Variants in CLTC observed in about 807,000 individuals in gnomAD.
CLTC encodes clathrin heavy chain.
A neutral mutation model predicts 195.8 loss-of-function variants in CLTC; 16 were observed. The ratio of observed to expected loss-of-function variants is 0.08; its 90% confidence interval spans 0.06 to 0.12. The LOEUF (loss-of-function observed/expected upper bound fraction) is 0.12, where lower values mean the gene tolerates loss of function less well. CLTC is among the 10% of genes least tolerant of loss of function. The pLI is 1.00. For synonymous variants in CLTC, 667 were observed against 689.4 expected (o/e 0.97, Z 0.51); for missense variants, 796 against 2,027.0 (o/e 0.39, Z 11.66).
At chr17:59,658,698 T>C (rs1276252257) in intron 6 of CLTC, 1 of 152,208 alleles carries the variant, frequency 6.6e-6, no homozygotes, top group Non-Finnish European at 1.5e-5. Flanking sequence ...GCCTTTTCTG[T>C]TTCCTGTAGC....
At chr17:59,644,107 A>ATT (rs999991997) in intron 1 of CLTC, among the ~76,000 whole-genome samples, 169 bp from the exon 2 acceptor site, 8 of 152,254 alleles carry the variant, frequency 5.3e-5, no homozygotes, top group Admixed American at 6.5e-5. Flanking sequence ...TTTGAAGAAG[A>ATT]GAAGGTCCAA....
intron 16 of CLTC, 87 bp from the exon 17 acceptor site, chr17:59,676,867 C>A: frequency 1.0e-6 from 1 of 990,212 alleles, no homozygotes. Flanking sequence ...CATTATAGAC[C>A]ATAAGGTATT....
chr17:59,628,932 G>A (rs1171434389), intron 1 of CLTC, among the ~76,000 whole-genome samples: 11 of 152,078 alleles, frequency 7.2e-5, no homozygotes, highest in Admixed American at 7.2e-4. Context: ...AAAGTGCTGG[G>A]ATTACAGGCG....
Position 59,666,056 on chromosome 17 carries a change from C to G in CLTC, c.1645-47C>G. 7.1e-7 allele frequency: 1 copy of G among 1,412,320 alleles called. No individual in the cohort carries two copies. Among genetic ancestry groups the G allele is most frequent in the South Asian group, 1.3e-5 (1 of 77,978 alleles). The allele number at this position is 1,412,320 out of a possible 1,614,324, so 87.5% of individuals were successfully genotyped here. ...GTTCATGCATAATTTTGTCTACATACTCTCCATAGTATCTTAAAACAATTT... is the reference window on the plus strand; with the variant it reads ...GTTCATGCATAATTTTGTCTACATAGTCTCCATAGTATCTTAAAACAATTT... On this transcript the variant is annotated intron_variant, in intron 10 of 31. Transcript: ENST00000269122. The surrounding 1 kb of genome is among the most constrained non-coding windows in gnomAD (Gnocchi z 4.9).
chr17:59,657,767 C>G (rs937082987), intron 6 of CLTC, among the ~76,000 whole-genome samples: 1 of 60,552 alleles, frequency 1.7e-5, no homozygotes, highest in East Asian at 5.6e-4. Flanking sequence ...GACTCTGTCT[C>G]AAAAAAAAAA....
At chr17:59,675,933 TTAAAATTGTCTTCTCCC>T (rs2143578229) in intron 16 of CLTC, among the ~76,000 whole-genome samples, 1 of 152,248 alleles carries the variant, frequency 6.6e-6, no homozygotes, top group Admixed American at 6.5e-5. Flanking sequence ...CCTCTATTTA[TTAAAATTGTCTTCTCCC>T]TAATGGGAGG....
chr17:59,685,766 C>T lies in CLTC; in HGVS notation c.4785C>T (p.Ala1595=), dbSNP rs1567973032. The T allele has an allele frequency of 6.2e-7, 1 of 1,614,056 alleles. No homozygotes were observed. Among genetic ancestry groups the T allele is most frequent in the East Asian group, 2.2e-5 (1 of 44,874 alleles). ...TAWRHNIMDF[A]MPYFIQVMKE... is the part of the protein sequence containing the mutation. ...GGAGGCACAATATCATGGATTTTGC[C>T]ATGCCCTATTTCATCCAGGTCATGA... is the stretch of plus-strand genomic sequence containing the variant. The change falls in exon 30 of 32, where the codon GCC becomes GCT. Residue 1595 remains alanine, a synonymous_variant. Coordinates refer to ENST00000269122, the MANE Select transcript of CLTC (RefSeq NM_004859.4). This position sits in a 1 kb window ranked among gnomAD's most constrained non-coding sequence, Gnocchi z 5.0.
At chr17:59,660,858 C>T (rs2032591204) in intron 7 of CLTC, among the ~76,000 whole-genome samples, 1 of 152,144 alleles carries the variant, frequency 6.6e-6, no homozygotes, top group African/African-American at 2.4e-5. Flanking sequence ...AATGTTTAGT[C>T]ATTTAGGTGT....
intron 1 of CLTC, among the ~76,000 whole-genome samples, chr17:59,640,235 A>G (rs997962371): frequency 4.6e-5 from 7 of 152,184 alleles, no homozygotes; most frequent in Non-Finnish European, 8.8e-5. Context: ...GTGCTTTGGC[A>G]TATTTCTCTT....
chr17:59,682,490 CA>C lies in CLTC; in HGVS notation c.3600+66del. ...GGCTACTTGATTAGCTTGGTAGGAT[CA>C]AAACATCATAACTGAAGAATTCCAA... On this transcript the variant is annotated intron_variant, in intron 22 of 31. Coordinates refer to ENST00000269122, the MANE Select transcript of CLTC (RefSeq NM_004859.4). The surrounding 1 kb of genome is among the most constrained non-coding windows in gnomAD (Gnocchi z 6.8). 6.3e-7 allele frequency: 1 copy of C among 1,598,410 alleles called. No individual in the cohort carries two copies. Among genetic ancestry groups the C allele is most frequent in the African/African-American group, 1.3e-5 (1 of 74,292 alleles).
chr17:59,640,030 G>C (rs1475913356), intron 1 of CLTC, among the ~76,000 whole-genome samples: 2 of 152,122 alleles, frequency 1.3e-5, no homozygotes, highest in Non-Finnish European at 2.9e-5. Flanking sequence ...AACTGACTGA[G>C]AATACTTTAT....
intron 7 of CLTC, among the ~76,000 whole-genome samples, 177 bp from the exon 8 acceptor site, chr17:59,661,266 T>C (rs2032601966): frequency 6.6e-6 from 1 of 152,288 alleles, no homozygotes; most frequent in South Asian, 2.1e-4. Flanking sequence ...CTCCAGATGG[T>C]AAAGATTTGA....
Position 59,682,061 on chromosome 17 carries a change from C to T in CLTC, c.3443-210C>T, listed in dbSNP as rs184467141. On this transcript the variant is annotated intron_variant, in intron 21 of 31. Transcript: ENST00000269122. This position sits in a 1 kb window ranked among gnomAD's most constrained non-coding sequence, Gnocchi z 6.8. ...TCTGTTTTTGAAGTCTCATAAAATC[C>T]TGATAGTGCTCTAATCTTAAAACTT... is the stretch of plus-strand genomic sequence containing the variant. Among the ~76,000 whole-genome samples, 18 of 152,200 alleles carry T rather than the reference C, an allele frequency of 1.2e-4. No individual in the cohort carries two copies. In the East Asian group the frequency reaches 3.3e-3, roughly 28 times the overall value.
chr17:59,663,637 A>G (rs966881610), intron 8 of CLTC, among the ~76,000 whole-genome samples: 1 of 152,202 alleles, frequency 6.6e-6, no homozygotes, highest in Non-Finnish European at 1.5e-5. Flanking sequence ...TTATCGTTAA[A>G]CAGGATTTGT....
chr17:59,668,652 C>T (rs117419555), intron 13 of CLTC, 125 bp from the exon 14 acceptor site: 35,924 of 695,642 alleles, frequency 0.052, 1,174 homozygotes, highest in Non-Finnish European at 0.065. Context: ...ATTTTTATCG[C>T]GCTTTTTAAG....
chr17:59,628,676 TG>T (rs2031621434), intron 1 of CLTC, among the ~76,000 whole-genome samples: 1 of 152,128 alleles, frequency 6.6e-6, no homozygotes, highest in South Asian at 2.1e-4. Flanking sequence ...AAACGAGAAT[TG>T]GATTGGGAGT....
In CLTC at chr17:59,666,299, G is replaced by T; in HGVS notation, c.1782+59G>T. On this transcript the variant is annotated intron_variant, in intron 11 of 31. Coordinates refer to ENST00000269122, the MANE Select transcript of CLTC (RefSeq NM_004859.4). This position sits in a 1 kb window ranked among gnomAD's most constrained non-coding sequence, Gnocchi z 4.9. The stretch of plus-strand genomic sequence containing the variant: ...AACATTGTTTTAGTAATTGTGCAGC[G>T]CCTCTCAGATTGTTATGCAAAGCTA... The T allele has an allele frequency of 6.3e-7, 1 of 1,587,474 alleles. No homozygotes were observed. The highest frequency in any genetic ancestry group is 8.6e-7 in the Non-Finnish European group (1 of 1,159,128).
At chr17:59,661,753 A>G (rs2032612437) in intron 8 of CLTC, 110 bp downstream of exon 8, 2 of 894,326 alleles carry the variant, frequency 2.2e-6, no homozygotes, top group Admixed American at 4.2e-5. Context: ...GCTGGTAGAA[A>G]CAGAACAAAA....
chr17:59,635,969 G>C (rs571640047), intron 1 of CLTC, among the ~76,000 whole-genome samples: 17 of 152,126 alleles, frequency 1.1e-4, no homozygotes, highest in Non-Finnish European at 2.4e-4. Context: ...CAGCACTTTG[G>C]GAGGCCGAGG....
Sources: allele counts gnomAD v4.1 joint callset (sites outside exome capture counted in the v4.1 genomes callset), GRCh38; gene constraint gnomAD v4.1.1; non-coding constraint Gnocchi (gnomAD v3.1); transcripts MANE v1.5; gene names NCBI Gene and HGNC (gene_info 2026-07-23, HGNC 2026-07-21).